Variants in INPP4B observed in about 807,000 individuals in gnomAD.
The protein encoded by INPP4B is inositol polyphosphate-4-phosphatase type II B.
A neutral mutation model predicts 122.5 loss-of-function variants in INPP4B; 55 were observed. The ratio of observed to expected loss-of-function variants is 0.45; its 90% confidence interval spans 0.36 to 0.56. The LOEUF is 0.56. Among genes scored for constraint, INPP4B ranks in the 20% least tolerant of loss-of-function variants. INPP4B has a pLI of 0.00. For synonymous variants in INPP4B, 403 were observed against 388.7 expected (o/e 1.04, Z -0.43); for missense variants, 1,000 against 1,097.7 (o/e 0.91, Z 1.26).
At chr4:142,558,793 TAAAAAAAAA>T (rs34151070) in intron 2 of INPP4B, among the ~76,000 whole-genome samples, 3 of 75,546 alleles carry the variant, frequency 4.0e-5, no homozygotes, top group African/African-American at 1.5e-4. Context: ...AGACTCCCTC[TAAAAAAAAA>T]AAAAAAAAAA....
intron 2 of INPP4B, among the ~76,000 whole-genome samples, chr4:142,613,721 G>T (rs553812879): frequency 1.3e-5 from 2 of 152,276 alleles, no homozygotes; most frequent in African/African-American, 2.4e-5. Flanking sequence ...ATGTAAAAAA[G>T]ATTAATATTT....
In INPP4B at chr4:142,039,018, A is replaced by C. The variant is rs182328449; in HGVS notation, c.2643-10104T>G. ...TTTCACTTCATGATTGAGATCCCTTAAGCACAGGTTTTCTGCTACCTCTCA... is the reference window on the plus strand; with the variant it reads ...TTTCACTTCATGATTGAGATCCCTTCAGCACAGGTTTTCTGCTACCTCTCA... On this transcript the variant is annotated intron_variant, in intron 25 of 25. Coordinates refer to ENST00000262992, the MANE Select transcript of INPP4B (RefSeq NM_001101669.3). Among the ~76,000 whole-genome samples, 5 of 152,254 alleles carry C rather than the reference A, an allele frequency of 3.3e-5. No individual in the cohort carries two copies. The East Asian group carries it at 9.7e-4, about 29-fold the overall frequency.
chr4:142,200,622 C>T (rs530251345), intron 14 of INPP4B, among the ~76,000 whole-genome samples: 16 of 151,542 alleles, frequency 1.1e-4, no homozygotes, highest in Admixed American at 2.0e-4. Flanking sequence ...TTAAACAACA[C>T]AATAAAAGTA....
intron 1 of INPP4B, among the ~76,000 whole-genome samples, chr4:142,816,405 T>A (rs758386802): frequency 7.9e-5 from 12 of 152,082 alleles, no homozygotes; most frequent in Non-Finnish European, 1.5e-5. Flanking sequence ...ATAGGAAAAG[T>A]TAAGAGTTAG....
intron 22 of INPP4B, among the ~76,000 whole-genome samples, chr4:142,111,749 T>A (rs1023678586): frequency 2.6e-5 from 4 of 151,996 alleles, no homozygotes; most frequent in Admixed American, 1.3e-4. Flanking sequence ...GATTTTTTTT[T>A]ATTTCTTTTT....
chr4:142,782,110 C>A (rs1396953984), intron 1 of INPP4B, among the ~76,000 whole-genome samples: 1 of 151,992 alleles, frequency 6.6e-6, no homozygotes, highest in Non-Finnish European at 1.5e-5. Flanking sequence ...TTAGGTATAT[C>A]TCCTAATGCT....
At chr4:142,099,325 A>T (rs1244193306) in intron 23 of INPP4B, among the ~76,000 whole-genome samples, 1 of 152,192 alleles carries the variant, frequency 6.6e-6, no homozygotes, top group African/African-American at 2.4e-5. Context: ...TGCAATGACA[A>T]ATATGAACAA....
At chr4:142,244,240 C>T (rs1004844999) in intron 11 of INPP4B, among the ~76,000 whole-genome samples, 10 of 145,478 alleles carry the variant, frequency 6.9e-5, no homozygotes, top group Admixed American at 2.1e-4. Context: ...AGGACATGAA[C>T]TCATCTTTTT....
intron 9 of INPP4B, among the ~76,000 whole-genome samples, chr4:142,299,407 G>A (rs1010235697): frequency 3.3e-5 from 5 of 151,762 alleles, no homozygotes; most frequent in African/African-American, 9.7e-5. Context: ...CTCTTGCCTC[G>A]GCCTTCTAAA....
In INPP4B at chr4:142,559,093, A is replaced by T. The variant is rs1729897991; in HGVS notation, c.-190-96367T>A. Among the ~76,000 whole-genome samples the T allele has an allele frequency of 2.6e-5, 4 of 152,124 alleles. 1 individual carries two copies. The highest frequency in any genetic ancestry group is 2.6e-4 in the Admixed American group (4 of 15,272). On this transcript the variant is annotated intron_variant, in intron 2 of 25. Transcript: ENST00000262992. The stretch of plus-strand genomic sequence containing the variant: ...GTGCACAATGATTTCAGTCGACACA[A>T]CTCTGGAATTTTTGCAACTGTGTCA...
intron 9 of INPP4B, among the ~76,000 whole-genome samples, chr4:142,278,410 T>C (rs1270821183): frequency 6.6e-6 from 1 of 151,756 alleles, no homozygotes; most frequent in East Asian, 1.9e-4. Context: ...AGGAAAGTGG[T>C]CTCCTAATAC....
intron 4 of INPP4B, among the ~76,000 whole-genome samples, chr4:142,429,591 A>AT (rs1261881277): frequency 1.3e-5 from 2 of 151,696 alleles, no homozygotes; most frequent in Non-Finnish European, 2.9e-5. Context: ...TCTTAAATGG[A>AT]TTTTTTTTCC....
intron 7 of INPP4B, among the ~76,000 whole-genome samples, chr4:142,345,601 A>T (rs1780043214): frequency 6.6e-6 from 1 of 152,008 alleles, no homozygotes; most frequent in South Asian, 2.1e-4. Flanking sequence ...CAAAACATGG[A>T]TTATAGCACA....
intron 2 of INPP4B, among the ~76,000 whole-genome samples, chr4:142,719,759 A>G (rs1439201877): frequency 6.6e-6 from 1 of 152,196 alleles, no homozygotes; most frequent in East Asian, 1.9e-4. Flanking sequence ...ACTCATGAGC[A>G]AACATTCATA....
At chr4:142,609,678 G>C (rs1298244455) in intron 2 of INPP4B, among the ~76,000 whole-genome samples, 1 of 152,128 alleles carries the variant, frequency 6.6e-6, no homozygotes, top group Admixed American at 6.6e-5. Context: ...AAATATCCAT[G>C]ATGCTGACTT....
intron 5 of INPP4B, among the ~76,000 whole-genome samples, chr4:142,419,894 CA>C (rs1562059192): frequency 6.6e-6 from 1 of 152,006 alleles, no homozygotes; most frequent in Non-Finnish European, 1.5e-5. Flanking sequence ...TTTGATTTTA[CA>C]GAAAGCAAAA....
intron 5 of INPP4B, among the ~76,000 whole-genome samples, chr4:142,419,199 T>A (rs1587266): frequency 0.091 from 13,843 of 152,130 alleles, 669 homozygotes; most frequent in Middle Eastern, 0.17. Flanking sequence ...CATCTTAAAA[T>A]TTTTAAGATA....
chr4:142,670,166 CAT>C (rs2150627066), intron 2 of INPP4B, among the ~76,000 whole-genome samples: 1 of 152,174 alleles, frequency 6.6e-6, no homozygotes, highest in East Asian at 1.9e-4. Context: ...ATCAAAAAAA[CAT>C]AGTATGTGTA....
rs116800750 is a variant in INPP4B, at chr4:142,648,040, G to A, written c.-191+77799C>T. On this transcript the variant is annotated intron_variant, in intron 2 of 25. Coordinates refer to ENST00000262992, the MANE Select transcript of INPP4B (RefSeq NM_001101669.3). ...TTCCAAATGACACAAAATCTGAAAC[G>A]AGTTAAAATTAATTTCTTAGAAAGG... Among the ~76,000 whole-genome samples the A allele has an allele frequency of 8.0e-3, 1,214 of 152,268 alleles. 12 individuals are homozygous for A. Among genetic ancestry groups the A allele is most frequent in the African/African-American group, 0.026 (1,068 of 41,544 alleles).
Sources: allele counts gnomAD v4.1 joint callset (sites outside exome capture counted in the v4.1 genomes callset), GRCh38; gene constraint gnomAD v4.1.1; transcripts MANE v1.5; gene names NCBI Gene and HGNC (gene_info 2026-07-23, HGNC 2026-07-21).